Variants in TFCP2L1 observed in about 807,000 individuals in gnomAD.
TFCP2L1 encodes transcription factor CP2-like protein 1.
A neutral mutation model predicts 72.2 loss-of-function variants in TFCP2L1; 12 were observed. The ratio of observed to expected loss-of-function variants is 0.17; its 90% confidence interval spans 0.11 to 0.27. TFCP2L1 has a LOEUF of 0.27. Ranked by LOEUF, TFCP2L1 falls within the 10% of genes least tolerant of loss-of-function variation. The probability of loss-of-function intolerance (pLI) is 1.00; values close to 1 mark genes in which losing one functional copy is unlikely to be tolerated. For missense variants in TFCP2L1, 488 were observed against 624.6 expected (o/e 0.78, Z 2.33); for synonymous variants, 260 against 251.0 (o/e 1.04, Z -0.34).
Position 121,224,210 on chromosome 2 carries a change from TCA to T in TFCP2L1, c.*129_*130del, listed in dbSNP as rs1444197508. On this transcript the variant is annotated 3_prime_UTR_variant, in exon 15 of 15. Coordinates refer to ENST00000263707, the MANE Select transcript of TFCP2L1 (RefSeq NM_014553.3). ...TCTGCTGGTTGGTGCTCTGTAGCTT[TCA>T]CAGACTGGGCAGGGTCCCTCCTGGC... 3.8e-5 allele frequency: 39 copies of T among 1,022,232 alleles called. No individual in the cohort carries two copies. In the Middle Eastern group the frequency reaches 1.2e-3, roughly 31 times the overall value. The allele number at this position is 1,022,232 out of a possible 1,614,324, so 63.3% of individuals were successfully genotyped here.
intron 10 of TFCP2L1, 91 bp from the exon 11 acceptor site, chr2:121,235,402 G>A: frequency 1.6e-6 from 2 of 1,263,750 alleles, no homozygotes; most frequent in East Asian, 2.4e-5. Flanking sequence ...AGCACTGGGG[G>A]TGGGGGGTGG....
chr2:121,234,993 C>T (rs1393660601), intron 11 of TFCP2L1, among the ~76,000 whole-genome samples: 3 of 152,262 alleles, frequency 2.0e-5, no homozygotes, highest in Admixed American at 2.0e-4. Flanking sequence ...GAGGGGCCTC[C>T]AGGCAGGGTC....
chr2:121,231,808 C>T lies in TFCP2L1; in HGVS notation c.1341+18G>A, dbSNP rs1384971488. On this transcript the variant is annotated intron_variant, in intron 13 of 14. Transcript: ENST00000263707. ...GCCCAGAGCCCGTTGTCGGGGCAGG[C>T]CAGGCAGCAGCCCTCACCTCGTTGC... 2.5e-6 allele frequency: 4 copies of T among 1,610,996 alleles called. No individual in the cohort carries two copies. The highest frequency in any genetic ancestry group is 3.4e-6 in the Non-Finnish European group (4 of 1,178,646).
chr2:121,233,957 T>G, intron 12 of TFCP2L1, 134 bp downstream of exon 12: 1 of 783,222 alleles, frequency 1.3e-6, no homozygotes. Context: ...GGCTGCCCTT[T>G]CCACGTGTGG....
At chr2:121,280,133 A>T (rs1687226583) in intron 2 of TFCP2L1, among the ~76,000 whole-genome samples, 1 of 151,950 alleles carries the variant, frequency 6.6e-6, no homozygotes, top group South Asian at 2.1e-4. Flanking sequence ...ACAGACCTTC[A>T]TTCTTTTAAA....
chr2:121,256,885 G>A (rs1686739100), intron 2 of TFCP2L1, among the ~76,000 whole-genome samples: 1 of 152,148 alleles, frequency 6.6e-6, no homozygotes, highest in Non-Finnish European at 1.5e-5. Context: ...GAACCCGGGA[G>A]GCAGAGCATA....
intron 10 of TFCP2L1, among the ~76,000 whole-genome samples, 155 bp from the exon 11 acceptor site, chr2:121,235,466 CA>C (rs1686227330): frequency 2.6e-5 from 4 of 151,920 alleles, no homozygotes; most frequent in Non-Finnish European, 4.4e-5. Flanking sequence ...TGCTCAACAA[CA>C]TCAAAAGATT....
intron 2 of TFCP2L1, among the ~76,000 whole-genome samples, chr2:121,260,813 C>T (rs1350075584): frequency 6.6e-6 from 1 of 152,224 alleles, no homozygotes; most frequent in Non-Finnish European, 1.5e-5. Flanking sequence ...TGAGCAGAAC[C>T]CAGCACAGGG....
intron 2 of TFCP2L1, among the ~76,000 whole-genome samples, chr2:121,260,776 T>A (rs1013347722): frequency 1.3e-5 from 2 of 152,176 alleles, no homozygotes; most frequent in Non-Finnish European, 2.9e-5. Flanking sequence ...CAGAGCAGCA[T>A]GGAAAGCCAG....
rs1686662234 is a variant in TFCP2L1, at chr2:121,254,003, A to C, written c.215-4356T>G. On this transcript the variant is annotated intron_variant, in intron 2 of 14. Transcript: ENST00000263707. Reference sequence around the variant, plus strand: ...ACCCACAGTCACATACAGGCTGACGAGCGAGGTCACACAGGCTGAACTGAC... The same window carrying C: ...ACCCACAGTCACATACAGGCTGACGCGCGAGGTCACACAGGCTGAACTGAC... 2.6e-5 allele frequency among the ~76,000 whole-genome samples: 4 copies of C among 152,184 alleles called. No individual in the cohort carries two copies. The South Asian group carries it at 8.3e-4, about 31-fold the overall frequency.
At chr2:121,259,520 A>G (rs1264879187) in intron 2 of TFCP2L1, among the ~76,000 whole-genome samples, 1 of 152,258 alleles carries the variant, frequency 6.6e-6, no homozygotes, top group Non-Finnish European at 1.5e-5. Flanking sequence ...TGGAGGATAT[A>G]CATACTAACC....
At chr2:121,227,656 G>T (rs1686055614) in intron 13 of TFCP2L1, among the ~76,000 whole-genome samples, 1 of 151,836 alleles carries the variant, frequency 6.6e-6, no homozygotes, top group Admixed American at 6.6e-5. Flanking sequence ...ACTTCAGCCT[G>T]GGTGACAGAG....
chr2:121,242,649 C>T (rs1686401286), intron 6 of TFCP2L1, among the ~76,000 whole-genome samples, 180 bp from the exon 7 acceptor site: 1 of 152,148 alleles, frequency 6.6e-6, no homozygotes, highest in Admixed American at 6.5e-5. Flanking sequence ...GAACTCGGAA[C>T]CTGCCACGGG....
At chr2:121,257,507 T>C (rs2104722732) in intron 2 of TFCP2L1, among the ~76,000 whole-genome samples, 1 of 152,296 alleles carries the variant, frequency 6.6e-6, no homozygotes, top group Middle Eastern at 3.4e-3. Flanking sequence ...TCCACCCACC[T>C]GAAGAGCAGC....
At chr2:121,271,146 C>T (rs928138209) in intron 2 of TFCP2L1, among the ~76,000 whole-genome samples, 1 of 147,734 alleles carries the variant, frequency 6.8e-6, no homozygotes, top group African/African-American at 2.5e-5. Context: ...GCCGAGATCG[C>T]ACCACTGCAC....
intron 6 of TFCP2L1, 101 bp downstream of exon 6, chr2:121,246,717 T>C (rs569597674): frequency 9.4e-6 from 14 of 1,484,286 alleles, no homozygotes; most frequent in Non-Finnish European, 1.3e-5. Flanking sequence ...GCTGCGTTCC[T>C]CGCTGGGCCT....
rs544609135 is a variant in TFCP2L1 at position 121,264,409 on chromosome 2, G to A, written c.215-14762C>T. 2.6e-5 allele frequency among the ~76,000 whole-genome samples: 4 copies of A among 152,352 alleles called. 1 individual carries two copies. In the South Asian group the frequency reaches 8.3e-4, roughly 32 times the overall value. ...TGGCTGCAGAGTGGAAATGGGGAAG[G>A]CGGGGACAGCCAGGGTCAGTTACAC... On this transcript the variant is annotated intron_variant, in intron 2 of 14. Transcript: ENST00000263707.
At chr2:121,247,219 A>G (rs1686507667) in intron 5 of TFCP2L1, among the ~76,000 whole-genome samples, 1 of 152,088 alleles carries the variant, frequency 6.6e-6, no homozygotes, top group Non-Finnish European at 1.5e-5. Context: ...TGACCAGCTA[A>G]GTCCCCACCA....
chr2:121,284,014 G>T (rs1687316393), intron 1 of TFCP2L1, among the ~76,000 whole-genome samples: 1 of 152,128 alleles, frequency 6.6e-6, no homozygotes, highest in Admixed American at 6.5e-5. Context: ...CCCGCCTCCA[G>T]GAAAAGGGGA....
Sources: allele counts gnomAD v4.1 joint callset (sites outside exome capture counted in the v4.1 genomes callset), GRCh38; gene constraint gnomAD v4.1.1; transcripts MANE v1.5; gene names NCBI Gene and HGNC (gene_info 2026-07-23, HGNC 2026-07-21).